Variants in EVI5 observed in about 807,000 individuals in gnomAD.
The protein encoded by EVI5 is ecotropic viral integration site 5 protein homolog.
EVI5 carries 73 observed loss-of-function variants against 112.0 expected under a neutral mutation model. That is an observed-to-expected ratio of 0.65 (90% CI 0.54 to 0.79). The LOEUF (loss-of-function observed/expected upper bound fraction) is 0.79. Among genes scored for constraint, EVI5 ranks in the 30% least tolerant of loss-of-function variants. EVI5 has a pLI of 0.00. For synonymous variants in EVI5, 305 were observed against 319.9 expected (o/e 0.95, Z 0.50); for missense variants, 900 against 968.8 (o/e 0.93, Z 0.94).
At chr1:92,766,511 C>T (rs1271219675) in intron 1 of EVI5, among the ~76,000 whole-genome samples, 1 of 152,138 alleles carries the variant, frequency 6.6e-6, no homozygotes, top group East Asian at 1.9e-4. Flanking sequence ...CTCAACAGCA[C>T]TATCATTCCC....
Position 92,563,717 on chromosome 1 carries a change from T to C in EVI5, c.2091A>G (p.Gln697=). The C allele has an allele frequency of 6.2e-7, 1 of 1,606,514 alleles. No individual in the cohort carries two copies. The highest frequency in any genetic ancestry group is 8.5e-7 in the Non-Finnish European group (1 of 1,175,338). ...LEIQKEEGKL[Q]GQLNKSDSNQ... is the part of the protein sequence containing the mutation. Reference sequence around the variant, plus strand: ...TAGAATCAGACTTGTTAAGCTGTCCTTGAAGCTTTCCTTCTTCTTTCTGTT... The same window carrying C: ...TAGAATCAGACTTGTTAAGCTGTCCCTGAAGCTTTCCTTCTTCTTTCTGTT... The change falls in exon 19 of 20, where the codon CAA becomes CAG. Residue 697 remains glutamine, a synonymous_variant. Transcript: ENST00000684568.
chr1:92,601,776 C>CACATT (rs1649231098), intron 18 of EVI5, among the ~76,000 whole-genome samples: 1 of 152,090 alleles, frequency 6.6e-6, no homozygotes, highest in Non-Finnish European at 1.5e-5. Flanking sequence ...AATAATGTAA[C>CACATT]ACATTACATT....
At chr1:92,773,172 C>T (rs1204787717) in intron 1 of EVI5, among the ~76,000 whole-genome samples, 1 of 146,042 alleles carries the variant, frequency 6.8e-6, no homozygotes, top group African/African-American at 2.5e-5. Context: ...TGCCATTGCA[C>T]TCCAGCCTGA....
At chr1:92,600,378 A>G (rs1250238970) in intron 18 of EVI5, among the ~76,000 whole-genome samples, 2 of 114,780 alleles carry the variant, frequency 1.7e-5, no homozygotes, top group Admixed American at 2.0e-4. Context: ...TTTATGTATA[A>G]TATTTGTACA....
chr1:92,581,953 G>C lies in EVI5; in HGVS notation c.2071-18216C>G, dbSNP rs544289745. Among the ~76,000 whole-genome samples the C allele has an allele frequency of 2.0e-3, 303 of 152,276 alleles. 1 individual carries two copies. Among genetic ancestry groups the C allele is most frequent in the African/African-American group, 7.0e-3 (291 of 41,534 alleles). On this transcript the variant is annotated intron_variant, in intron 18 of 19. Transcript: ENST00000684568. ...GCACCAGGCATACAGCAGTAAATAA[G>C]ACAAACAAGGTTCTAATGTAGTCAC... is the stretch of plus-strand genomic sequence containing the variant.
chr1:92,788,724 G>A (rs1158249742), upstream of EVI5, among the ~76,000 whole-genome samples: 1 of 151,998 alleles, frequency 6.6e-6, no homozygotes, highest in Non-Finnish European at 1.5e-5. Flanking sequence ...AACCCAAGAG[G>A]TGGAGCTTGC....
chr1:92,753,688 C>T (rs959847848), intron 1 of EVI5, among the ~76,000 whole-genome samples: 2 of 152,098 alleles, frequency 1.3e-5, no homozygotes, highest in African/African-American at 2.4e-5. Context: ...ACACAGGTTA[C>T]AAGAACTAAA....
rs1364181759 is a variant in EVI5 at position 92,563,711 on chromosome 1, C to A, written c.2097G>T (p.Gln699His). 1.2e-6 allele frequency: 2 copies of A among 1,609,034 alleles called. No homozygotes were observed. The highest frequency in any genetic ancestry group is 4.5e-5 in the East Asian group (2 of 44,660). Residue 699 changes from glutamine to histidine, a missense_variant, in exon 19 of 20, where the codon CAG becomes CAT. Coordinates refer to ENST00000684568, the MANE Select transcript of EVI5 (RefSeq NM_001350197.2). ...ACTGGTTAGAATCAGACTTGTTAAG[C>A]TGTCCTTGAAGCTTTCCTTCTTCTT... ...IQKEEGKLQG[Q>H]LNKSDSNQYI...
At chr1:92,759,096 G>A (rs911092174) in intron 1 of EVI5, among the ~76,000 whole-genome samples, 1 of 152,100 alleles carries the variant, frequency 6.6e-6, no homozygotes, top group Non-Finnish European at 1.5e-5. Context: ...CGGGTGTGGT[G>A]GCGCACGTTC....
intron 1 of EVI5, among the ~76,000 whole-genome samples, chr1:92,739,959 A>G (rs1249257063): frequency 7.3e-6 from 1 of 137,394 alleles, no homozygotes; most frequent in Non-Finnish European, 1.6e-5. Flanking sequence ...TTAAATGTCA[A>G]AAGTCAAGTT....
At chr1:92,753,989 T>C (rs1321558729) in intron 1 of EVI5, among the ~76,000 whole-genome samples, 3 of 152,316 alleles carry the variant, frequency 2.0e-5, no homozygotes, top group Admixed American at 6.5e-5. Context: ...GAAAGTCATC[T>C]AGGAAAGATT....
chr1:92,582,858 C>G (rs1672159312), intron 18 of EVI5, among the ~76,000 whole-genome samples: 1 of 152,114 alleles, frequency 6.6e-6, no homozygotes, highest in Non-Finnish European at 1.5e-5. Context: ...AAAGTGAACT[C>G]ATATCCTCTA....
chr1:92,693,671 A>G, intron 9 of EVI5, 131 bp downstream of exon 9: 1 of 597,940 alleles, frequency 1.7e-6, no homozygotes, highest in Non-Finnish European at 2.9e-6. Flanking sequence ...TTCCAACATT[A>G]GCTTTATGCT....
intron 19 of EVI5, among the ~76,000 whole-genome samples, chr1:92,551,194 A>C (rs765231990): frequency 4.0e-5 from 6 of 151,614 alleles, no homozygotes; most frequent in Non-Finnish European, 8.8e-5. Flanking sequence ...GGTGTGCACC[A>C]CCACACCCAG....
At chr1:92,791,596 T>C (rs933124917) in intron 1 of EVI5, among the ~76,000 whole-genome samples, 18 of 152,220 alleles carry the variant, frequency 1.2e-4, no homozygotes, top group Non-Finnish European at 2.4e-4. Flanking sequence ...TTTTAACCTC[T>C]GTAAGCTTCA....
chr1:92,639,014 T>C lies in EVI5; in HGVS notation c.1393-2678A>G, dbSNP rs558746351. Among the ~76,000 whole-genome samples, 12 of 152,296 alleles carry C rather than the reference T, an allele frequency of 7.9e-5. No individual in the cohort carries two copies. The East Asian group carries it at 1.7e-3, about 22-fold the overall frequency. The stretch of plus-strand genomic sequence containing the variant: ...ACTTGGACAGACACACAATTTGTTT[T>C]ACCAAATGACAACTGCCACAATTAT... On this transcript the variant is annotated intron_variant, in intron 13 of 19. Coordinates refer to ENST00000684568, the MANE Select transcript of EVI5 (RefSeq NM_001350197.2).
At chr1:92,681,511 T>C (rs1667581698) in intron 9 of EVI5, among the ~76,000 whole-genome samples, 1 of 152,214 alleles carries the variant, frequency 6.6e-6, no homozygotes, top group Admixed American at 6.5e-5. Context: ...CTCTTACAAC[T>C]GTCATGTAGT....
At chr1:92,736,260 C>G (rs950577189) in intron 2 of EVI5, 138 bp downstream of exon 2, 4 of 609,836 alleles carry the variant, frequency 6.6e-6, no homozygotes, top group Non-Finnish European at 1.2e-5. Context: ...CAATCTCCCC[C>G]CAAAAAAGAT....
chr1:92,577,387 G>T (rs1203922114), intron 18 of EVI5, among the ~76,000 whole-genome samples: 1 of 152,244 alleles, frequency 6.6e-6, no homozygotes, highest in African/African-American at 2.4e-5. Context: ...CAGCCTGGAA[G>T]TTTTTGTACG....
Sources: allele counts gnomAD v4.1 joint callset (sites outside exome capture counted in the v4.1 genomes callset), GRCh38; gene constraint gnomAD v4.1.1; transcripts MANE v1.5; gene names NCBI Gene and HGNC (gene_info 2026-07-23, HGNC 2026-07-21).